SLC8A2: variants seen among roughly 807,000 people sequenced by gnomAD.
SLC8A2 encodes the protein solute carrier family 8 member A2.
A neutral mutation model predicts 70.2 loss-of-function variants in SLC8A2; 14 were observed. The observed-to-expected ratio is 0.20, with a 90% confidence interval of 0.13 to 0.31. The LOEUF is 0.31. Ranked by LOEUF, SLC8A2 falls within the 10% of genes least tolerant of loss-of-function variation. The pLI is 1.00. For missense variants in SLC8A2, 779 were observed against 1,320.1 expected, an observed-to-expected ratio of 0.59 and a Z score of 6.35; for synonymous variants, 575 against 594.3, an observed-to-expected ratio of 0.97 and a Z score of 0.47.
At position 47,447,564 on chromosome 19, in the gene SLC8A2, T is replaced by G. The variant is rs1967180727; in HGVS notation, c.1763+245A>C. On this transcript the variant is annotated intron_variant, in intron 4 of 9. Transcript: ENST00000236877. This position sits in a 1 kb window ranked among gnomAD's most constrained non-coding sequence, Gnocchi z 5.1. ...AGGCCAAGCCCACTTTGGAGAACGATTCACTCAGGCCCCTCTCCTCCTGAG... is the reference window on the plus strand; with the variant it reads ...AGGCCAAGCCCACTTTGGAGAACGAGTCACTCAGGCCCCTCTCCTCCTGAG... The G allele has an allele frequency of 6.4e-6, 3 of 472,376 alleles. No homozygotes were observed. In the East Asian group the frequency reaches 1.1e-4, roughly 18 times the overall value. 29.3% of individuals were successfully genotyped at this position (472,376 alleles called of 1,614,324 possible). A position where few individuals can be genotyped will look rare whatever the true frequency, so the allele number is the denominator to read the frequency against.
At chr19:47,431,850 G>A (rs908734393) in intron 9 of SLC8A2, among the ~76,000 whole-genome samples, 1 of 151,720 alleles carries the variant, frequency 6.6e-6, no homozygotes, top group African/African-American at 2.4e-5. Context: ...GTCTTCCTAG[G>A]AACCCCTCTC....
intron 3 of SLC8A2, among the ~76,000 whole-genome samples, chr19:47,450,162 A>G (rs924818273): frequency 6.6e-6 from 1 of 152,138 alleles, no homozygotes. Context: ...TGTGCATGTA[A>G]GGGGCTCAGC....
chr19:47,452,396 TGGAG>T (rs1568444439), intron 3 of SLC8A2, among the ~76,000 whole-genome samples: 1 of 76,116 alleles, frequency 1.3e-5, no homozygotes, highest in African/African-American at 5.4e-5. Context: ...TATATATATA[TGGAG>T]AGAGAGAGAG....
chr19:47,432,039 C>A lies in SLC8A2; in HGVS notation c.2389+128G>T. On this transcript the variant is annotated intron_variant, in intron 9 of 9. Transcript: ENST00000236877. The surrounding 1 kb of genome is among the most constrained non-coding windows in gnomAD (Gnocchi z 6.2). ...GCCTGGCTTCTATTATGCCCCACCT[C>A]CGTATTTCTCTGAGACCCACCACAT... 1.2e-6 allele frequency: 1 copy of A among 865,098 alleles called. No homozygotes were observed. Among genetic ancestry groups the A allele is most frequent in the Non-Finnish European group, 1.7e-6 (1 of 579,754 alleles). The allele number at this position is 865,098 out of a possible 1,614,324, so 53.6% of individuals were successfully genotyped here.
chr19:47,469,548 A>C (rs575625100), intron 1 of SLC8A2, among the ~76,000 whole-genome samples: 1 of 152,174 alleles, frequency 6.6e-6, no homozygotes, highest in African/African-American at 2.4e-5. Flanking sequence ...GGTCAAGCAC[A>C]GCCTAGTGCA....
chr19:47,453,230 G>T (rs1222990662), intron 3 of SLC8A2, among the ~76,000 whole-genome samples: 1 of 152,196 alleles, frequency 6.6e-6, no homozygotes, highest in Non-Finnish European at 1.5e-5. Context: ...AAAGAAAAAG[G>T]CTTTCCTTCT....
In SLC8A2 at chr19:47,432,159, G is replaced by A. The variant is rs374475936; in HGVS notation, c.2389+8C>T. 4.4e-6 allele frequency: 7 copies of A among 1,598,658 alleles called. No homozygotes were observed. Among genetic ancestry groups the A allele is most frequent in the Non-Finnish European group, 5.1e-6 (6 of 1,170,790 alleles). On this transcript the variant is annotated splice_region_variant and intron_variant, in intron 9 of 9. Coordinates refer to ENST00000236877, the MANE Select transcript of SLC8A2 (RefSeq NM_015063.3). This position sits in a 1 kb window ranked among gnomAD's most constrained non-coding sequence, Gnocchi z 6.2. ...ATCCTACCCCACCAAAGTCTCCCAG[G>A]GTGTTACCAGGGATGGAGGTGCCCA...
At position 47,466,532 on chromosome 19, in the gene SLC8A2, G is replaced by A; in HGVS notation, c.-16-113C>T. 1 of 573,138 alleles carries A rather than the reference G, an allele frequency of 1.7e-6. No individual in the cohort carries two copies. The allele number at this position is 573,138 out of a possible 1,614,324, so 35.5% of individuals were successfully genotyped here. A position where few individuals can be genotyped will look rare whatever the true frequency, so the allele number is the denominator to read the frequency against. On this transcript the variant is annotated intron_variant, in intron 1 of 9. Transcript: ENST00000236877. The surrounding 1 kb of genome is among the most constrained non-coding windows in gnomAD (Gnocchi z 6.9). ...GGGGGAGAAGCTGAGGACCAATGCA[G>A]GCAGGATGGGGACTGAGGGCGACAG...
At position 47,466,847 on chromosome 19, in the gene SLC8A2, AG is replaced by A. The variant is rs58939259; in HGVS notation, c.-16-429del. Among the ~76,000 whole-genome samples, 278 of 152,270 alleles carry A rather than the reference AG, an allele frequency of 1.8e-3. 1 individual carries two copies. Among genetic ancestry groups the A allele is most frequent in the Middle Eastern group, 0.01 (3 of 294 alleles). The stretch of plus-strand genomic sequence containing the variant: ...TTTGGGAGGCTGAGGTGGGTGGATC[AG>A]GAGTTTGAGACCAGCCTGGCCAACA... On this transcript the variant is annotated intron_variant, in intron 1 of 9. Coordinates refer to ENST00000236877, the MANE Select transcript of SLC8A2 (RefSeq NM_015063.3). The surrounding 1 kb of genome is among the most constrained non-coding windows in gnomAD (Gnocchi z 6.9).
At position 47,468,701 on chromosome 19, in the gene SLC8A2, C is replaced by T. The variant is rs1967493889; in HGVS notation, c.-16-2282G>A. On this transcript the variant is annotated intron_variant, in intron 1 of 9. Transcript: ENST00000236877. This position sits in a 1 kb window ranked among gnomAD's most constrained non-coding sequence, Gnocchi z 5.1. ...AATGACACCCTCCCCCTCTGGGGAG[C>T]ACCCCTCCATTCCACAGGTGAGAGG... Among the ~76,000 whole-genome samples the T allele has an allele frequency of 6.6e-6, 1 of 152,164 alleles. No homozygotes were observed. Among genetic ancestry groups the T allele is most frequent in the East Asian group, 1.9e-4 (1 of 5,186 alleles).
At position 47,444,602 on chromosome 19, in the gene SLC8A2, G is replaced by A. The variant is rs1336600097; in HGVS notation, c.1764-3162C>T. 2.6e-5 allele frequency among the ~76,000 whole-genome samples: 4 copies of A among 152,236 alleles called. No individual in the cohort carries two copies. In the East Asian group the frequency reaches 7.7e-4, roughly 29 times the overall value. On this transcript the variant is annotated intron_variant, in intron 4 of 9. Coordinates refer to ENST00000236877, the MANE Select transcript of SLC8A2 (RefSeq NM_015063.3). Reference sequence around the variant, plus strand: ...TGCCGACACAGTGACATGCTGACAGGGTGACACACACACCTCTGTCGCTCA... The same window carrying A: ...TGCCGACACAGTGACATGCTGACAGAGTGACACACACACCTCTGTCGCTCA...
At chr19:47,469,121 T>TGC (rs954842030) in intron 1 of SLC8A2, among the ~76,000 whole-genome samples, 11 of 121,552 alleles carry the variant, frequency 9.0e-5, no homozygotes, top group Admixed American at 3.8e-4. Flanking sequence ...CCTGTGTGCG[T>TGC]GTGTGTGTGT....
chr19:47,430,934 G>T lies in SLC8A2; in HGVS notation c.2390-469C>A, dbSNP rs939156003. Among the ~76,000 whole-genome samples, 5 of 152,136 alleles carry T rather than the reference G, an allele frequency of 3.3e-5. No individual in the cohort carries two copies. Among genetic ancestry groups the T allele is most frequent in the Non-Finnish European group, 5.9e-5 (4 of 68,034 alleles). On this transcript the variant is annotated intron_variant, in intron 9 of 9. Transcript: ENST00000236877. The surrounding 1 kb of genome is among the most constrained non-coding windows in gnomAD (Gnocchi z 5.9). ...AGACGGGGTTTCACCATGTTGGCCA[G>T]GCTGGTCTCGAACTCCTGATCTGAG...
At chr19:47,431,961 C>T (rs1966968515) in intron 9 of SLC8A2, 2 of 459,890 alleles carry the variant, frequency 4.3e-6, no homozygotes, top group Admixed American at 3.9e-5. Flanking sequence ...GACCTTCTAC[C>T]TGGGTGCTTT....
intron 2 of SLC8A2, among the ~76,000 whole-genome samples, chr19:47,461,132 G>A (rs1022726352): frequency 6.6e-6 from 1 of 151,918 alleles, no homozygotes. Context: ...GGAGGTTGCA[G>A]TGAGCTGAGA....
chr19:47,429,515 G>T lies in SLC8A2; in HGVS notation c.*574C>A. 6.5e-6 allele frequency: 1 copy of T among 154,058 alleles called. No individual in the cohort carries two copies. The highest frequency in any genetic ancestry group is 3.4e-3 in the Middle Eastern group (1 of 294). The allele number at this position is 154,058 out of a possible 1,614,324, so 9.5% of individuals were successfully genotyped here. On this transcript the variant is annotated 3_prime_UTR_variant, in exon 10 of 10. Coordinates refer to ENST00000236877, the MANE Select transcript of SLC8A2 (RefSeq NM_015063.3). ...CCCGAGTGGAGGGATTGGAAGGAAC[G>T]GTGTGCGGCCTCCTTGCGCGCACAC... is the stretch of plus-strand genomic sequence containing the variant.
At chr19:47,435,692 G>A (rs1967020113) in intron 8 of SLC8A2, among the ~76,000 whole-genome samples, 1 of 152,034 alleles carries the variant, frequency 6.6e-6, no homozygotes, top group African/African-American at 2.4e-5. Flanking sequence ...AGGATTACAG[G>A]CGCAGGCCAC....
chr19:47,444,531 G>A (rs1447871664), intron 4 of SLC8A2, among the ~76,000 whole-genome samples: 2 of 152,150 alleles, frequency 1.3e-5, no homozygotes, highest in African/African-American at 2.4e-5. Flanking sequence ...AGGAGGGAGG[G>A]TCTCCCGAGA....
chr19:47,432,324 C>T lies in SLC8A2; in HGVS notation c.2232G>A (p.Glu744=), dbSNP rs2122610992. ...CAAAGCAGGCCCAGCCGTGGCAGTA[C>T]TCGGTGGGGGGCACACAGGCGAAGA... is the stretch of plus-strand genomic sequence containing the variant. ...KVLFACVPPT[E]YCHGWACFGV... The change falls in exon 9 of 10, where the codon GAG becomes GAA. Residue 744 remains glutamate (E), a synonymous_variant. Transcript: ENST00000236877. The surrounding 1 kb of genome is among the most constrained non-coding windows in gnomAD (Gnocchi z 6.2). 3.1e-6 allele frequency: 5 copies of T among 1,613,790 alleles called. No individual in the cohort carries two copies. The highest frequency in any genetic ancestry group is 1.6e-4 in the Middle Eastern group (1 of 6,062).
Sources: gnomAD v4.1 joint callset for allele counts (sites outside exome capture counted in the v4.1 genomes callset) on GRCh38, gnomAD v4.1.1 for gene constraint, Gnocchi (gnomAD v3.1) non-coding constraint, MANE v1.5 for transcripts, NCBI Gene and HGNC (gene_info 2026-07-23, HGNC 2026-07-21) for gene names.